Variants in PARL observed in about 807,000 individuals in gnomAD.
PARL encodes presenilin associated rhomboid like.
PARL carries 44 observed loss-of-function variants against 51.6 expected under a neutral mutation model. The ratio of observed to expected loss-of-function variants is 0.85; its 90% confidence interval spans 0.67 to 1.10. PARL has a LOEUF of 1.10. Ranked by LOEUF, PARL falls within the 50% of genes least tolerant of loss-of-function variation. The pLI, the probability that PARL is intolerant of heterozygous loss-of-function variation, is 0.00. For synonymous variants in PARL, 172 were observed against 164.0 expected, an observed-to-expected ratio of 1.05 and a Z score of -0.37; for missense variants, 441 against 469.5, an observed-to-expected ratio of 0.94 and a Z score of 0.56.
intron 2 of PARL, among the ~76,000 whole-genome samples, chr3:183,867,467 A>C (rs573910852): frequency 6.6e-6 from 1 of 151,992 alleles, no homozygotes; most frequent in Non-Finnish European, 1.5e-5. Context: ...TTGGGAGGCC[A>C]AGGCGGGCGG....
chr3:183,871,567 T>C (rs1733220612), intron 1 of PARL, among the ~76,000 whole-genome samples: 1 of 146,664 alleles, frequency 6.8e-6, no homozygotes. Flanking sequence ...GAACTAATCA[T>C]ACATCATGGA....
chr3:183,866,313 C>T (rs895381169), intron 3 of PARL, among the ~76,000 whole-genome samples: 3 of 152,208 alleles, frequency 2.0e-5, no homozygotes, highest in Admixed American at 6.5e-5. Context: ...ACTGACTTGA[C>T]ATCTATTAAT....
chr3:183,864,485 A>C (rs1732208107), intron 3 of PARL, among the ~76,000 whole-genome samples: 1 of 152,212 alleles, frequency 6.6e-6, no homozygotes, highest in South Asian at 2.1e-4. Flanking sequence ...AATAAAAGAA[A>C]TAAAATATTG....
intron 7 of PARL, among the ~76,000 whole-genome samples, chr3:183,839,865 T>C (rs1307475878): frequency 6.6e-6 from 1 of 152,232 alleles, no homozygotes; most frequent in Non-Finnish European, 1.5e-5. Context: ...CCTGAGTAGC[T>C]GAGACTACCG....
chr3:183,827,847 T>G (rs117144807), downstream of PARL, among the ~76,000 whole-genome samples: 1,529 of 152,240 alleles, frequency 0.01, 116 homozygotes, highest in East Asian at 0.18. Flanking sequence ...CTCAGAATCC[T>G]CACAGATAAC....
At chr3:183,842,260 C>T (rs1440883469) in intron 6 of PARL, 38 bp downstream of exon 6, 6 of 1,598,196 alleles carry the variant, frequency 3.8e-6, no homozygotes. Context: ...GCTTAGAGTG[C>T]TTATACTCTC....
intron 4 of PARL, among the ~76,000 whole-genome samples, chr3:183,852,677 C>A (rs1035053915): frequency 6.6e-6 from 1 of 152,164 alleles, no homozygotes; most frequent in African/African-American, 2.4e-5. Context: ...CCATGCCCAA[C>A]CTACAACACT....
chr3:183,843,466 G>C (rs886135622), intron 5 of PARL: 3 of 156,234 alleles, frequency 1.9e-5, no homozygotes, highest in Non-Finnish European at 4.2e-5. Flanking sequence ...AGTGAGCCAA[G>C]ATCGTATCAC....
intron 3 of PARL, among the ~76,000 whole-genome samples, chr3:183,865,313 A>G (rs888142940): frequency 6.6e-6 from 1 of 152,090 alleles, no homozygotes; most frequent in Admixed American, 6.5e-5. Flanking sequence ...GTCTCTTAGA[A>G]AAAAAAATCA....
At chr3:183,836,930 G>A (rs1345186838) in intron 7 of PARL, among the ~76,000 whole-genome samples, 1 of 152,042 alleles carries the variant, frequency 6.6e-6, no homozygotes, top group Non-Finnish European at 1.5e-5. Context: ...TAGTAGAGAT[G>A]GGGTTCCACC....
rs190273833 is a variant in PARL at position 183,881,876 on chromosome 3, T to C, written c.125+2846A>G. Reference sequence around the variant, plus strand: ...GTCAGTTAAAACAAAATATAATATATACGATTGACTAATATGTCAAGTATC... The same window carrying C: ...GTCAGTTAAAACAAAATATAATATACACGATTGACTAATATGTCAAGTATC... On this transcript the variant is annotated intron_variant, in intron 1 of 9. Coordinates refer to ENST00000317096, the MANE Select transcript of PARL (RefSeq NM_018622.7). Among the ~76,000 whole-genome samples the C allele has an allele frequency of 2.1e-3, 326 of 152,222 alleles. 3 individuals are homozygous for C. The highest frequency in any genetic ancestry group is 3.6e-3 in the Non-Finnish European group (243 of 68,020).
chr3:183,851,043 C>G (rs1730488430), intron 4 of PARL, among the ~76,000 whole-genome samples: 1 of 152,148 alleles, frequency 6.6e-6, no homozygotes, highest in Non-Finnish European at 1.5e-5. Flanking sequence ...AAACAATTCA[C>G]TAGGGGAAAG....
At chr3:183,876,648 A>AAAGT (rs1733880256) in intron 1 of PARL, among the ~76,000 whole-genome samples, 2 of 40,524 alleles carry the variant, frequency 4.9e-5, no homozygotes, top group African/African-American at 2.5e-4. Context: ...AGAAAAAGAA[A>AAAGT]AAGAAAGAAA....
At chr3:183,838,829 A>G (rs1306580045) in intron 7 of PARL, among the ~76,000 whole-genome samples, 1 of 152,228 alleles carries the variant, frequency 6.6e-6, no homozygotes, top group African/African-American at 2.4e-5. Context: ...AGAGCACATC[A>G]AAATGCCCTC....
Position 183,833,519 on chromosome 3 carries a change from G to A in PARL, c.1001C>T (p.Ala334Val). The A allele has an allele frequency of 6.2e-7, 1 of 1,612,468 alleles. No individual in the cohort carries two copies. Among genetic ancestry groups the A allele is most frequent in the Non-Finnish European group, 8.5e-7 (1 of 1,178,484 alleles). The change falls in exon 9 of 10, where the codon GCA becomes GTA. Residue 334 changes from alanine to valine, a missense_variant. By Grantham distance (64) the Ala-to-Val change is moderately conservative. Transcript: ENST00000317096. The part of the protein sequence containing the change: ...ILGWKFFDHA[A>V]HLGGALFGIW... ...TCCAAAAAGAGCTCCCCCAAGATGT[G>A]CCGCATGATCAAAAAATTTCCATCC...
chr3:183,866,945 C>T (rs1732559582), intron 2 of PARL, among the ~76,000 whole-genome samples, 180 bp from the exon 3 acceptor site: 1 of 151,630 alleles, frequency 6.6e-6, no homozygotes, highest in Non-Finnish European at 1.5e-5. Flanking sequence ...TGGAGTTTCA[C>T]TCTTGTCTCC....
intron 2 of PARL, 28 bp downstream of exon 2, chr3:183,867,835 TAG>T: frequency 6.7e-7 from 1 of 1,499,964 alleles, no homozygotes; most frequent in Middle Eastern, 2.3e-4. Context: ...TCTAGCAAGG[TAG>T]GTAACTCCTA....
chr3:183,833,510 C>T lies in PARL; in HGVS notation c.1010G>A (p.Gly337Glu). 1.2e-6 allele frequency: 2 copies of T among 1,610,884 alleles called. No individual in the cohort carries two copies. Among genetic ancestry groups the T allele is most frequent in the Non-Finnish European group, 1.7e-6 (2 of 1,177,070 alleles). ...WKFFDHAAHL[G>E]GALFGIWYVT... ...AACTTACATTCCAAAAAGAGCTCCC[C>T]CAAGATGTGCCGCATGATCAAAAAA... Residue 337 changes from glycine to glutamate, a missense_variant, in exon 9 of 10, where the codon GGG becomes GAG. Physicochemically the swap from Gly to Glu is moderately conservative, Grantham distance 98 (BLOSUM62 -2). Coordinates refer to ENST00000317096, the MANE Select transcript of PARL (RefSeq NM_018622.7).
intron 1 of PARL, among the ~76,000 whole-genome samples, chr3:183,882,289 A>G (rs1332908720): frequency 2.6e-5 from 3 of 113,438 alleles, no homozygotes; most frequent in East Asian, 5.0e-4. Flanking sequence ...ATATACACAC[A>G]CACATATATA....
Sources: gnomAD v4.1 joint callset for allele counts (sites outside exome capture counted in the v4.1 genomes callset) on GRCh38, gnomAD v4.1.1 for gene constraint, MANE v1.5 for transcripts, NCBI Gene and HGNC (gene_info 2026-07-23, HGNC 2026-07-21) for gene names.